The following GNB4 variants were observed in gnomAD, a reference collection of about 807,000 sequenced individuals.
GNB4 encodes the protein G protein subunit beta 4.
In GNB4, 28 loss-of-function variants were observed where a neutral mutation model predicts 45.2. The observed-to-expected ratio is 0.62, with a 90% CI of 0.46 to 0.85. The LOEUF (loss-of-function observed/expected upper bound fraction) is 0.85. Among genes scored for constraint, GNB4 ranks in the 40% least tolerant of loss-of-function variants. GNB4 has a pLI of 0.00. For synonymous variants in GNB4, 132 were observed against 143.7 expected (o/e 0.92, Z 0.58); for missense variants, 321 against 425.4 (o/e 0.75, Z 2.16).
chr3:179,481,629 T>C, the GNB4 span, among the ~76,000 whole-genome samples: 2 of 152,170 alleles, frequency 1.3e-5, no homozygotes, highest in East Asian at 1.9e-4. Flanking sequence ...GGTGATCCAC[T>C]GTGCTGAGCC....
At chr3:179,501,787 G>A in the GNB4 span, among the ~76,000 whole-genome samples, 37 of 152,108 alleles carry the variant, frequency 2.4e-4, no homozygotes, top group Admixed American at 7.2e-4. Context: ...CTTTTCTCAT[G>A]TTGTGTATTC....
intron 2 of GNB4, among the ~76,000 whole-genome samples, chr3:179,422,476 C>T (rs961002088): frequency 3.0e-5 from 4 of 134,864 alleles, no homozygotes; most frequent in African/African-American, 1.2e-4. Flanking sequence ...AAAAAAAAAG[C>T]AAAACAAAAC....
chr3:179,499,151 T>A, the GNB4 span, among the ~76,000 whole-genome samples: 1 of 134,096 alleles, frequency 7.5e-6, no homozygotes, highest in Non-Finnish European at 1.6e-5. Flanking sequence ...ATGTGCCACA[T>A]TTTCTTTTTT....
the GNB4 span, among the ~76,000 whole-genome samples, chr3:179,460,844 C>G: frequency 6.6e-6 from 1 of 151,926 alleles, no homozygotes; most frequent in Non-Finnish European, 1.5e-5. Flanking sequence ...TTTATTTTTA[C>G]AAAAGCTTAT....
the GNB4 span, chr3:179,465,399 G>A: frequency 2.1e-4 from 118 of 571,838 alleles, no homozygotes; most frequent in East Asian, 1.3e-3. Context: ...ATCAGGAAAC[G>A]GAGACCATCC....
upstream of GNB4, among the ~76,000 whole-genome samples, chr3:179,455,991 G>A (rs1715970487): frequency 6.6e-6 from 1 of 151,994 alleles, no homozygotes; most frequent in African/African-American, 2.4e-5. Flanking sequence ...TGTTCCAAGA[G>A]AACAAGGAGG....
chr3:179,409,989 G>A (rs1040502430), intron 8 of GNB4, among the ~76,000 whole-genome samples: 1 of 152,114 alleles, frequency 6.6e-6, no homozygotes, highest in Non-Finnish European at 1.5e-5. Context: ...TGGTCTCCCT[G>A]CAGGCTGTTC....
the GNB4 span, among the ~76,000 whole-genome samples, chr3:179,484,945 C>T: frequency 2.0e-5 from 3 of 149,374 alleles, no homozygotes; most frequent in African/African-American, 7.4e-5. Flanking sequence ...CTTATATTTG[C>T]CATAGAAGAA....
At chr3:179,524,418 G>A in the GNB4 span, among the ~76,000 whole-genome samples, 2 of 152,376 alleles carry the variant, frequency 1.3e-5, no homozygotes, top group Non-Finnish European at 2.9e-5. Context: ...AGGAGGTCCT[G>A]TAGGAATGCT....
At chr3:179,482,549 C>T in the GNB4 span, among the ~76,000 whole-genome samples, 1 of 152,178 alleles carries the variant, frequency 6.6e-6, no homozygotes, top group Non-Finnish European at 1.5e-5. Context: ...CTCTTTCCTT[C>T]CATCTCATAA....
chr3:179,474,974 G>A, the GNB4 span, among the ~76,000 whole-genome samples: 1 of 151,998 alleles, frequency 6.6e-6, no homozygotes, highest in African/African-American at 2.4e-5. Context: ...TGGATGCTGG[G>A]AAGTTCAAGG....
intron 1 of GNB4, among the ~76,000 whole-genome samples, chr3:179,445,046 TA>T (rs1309060838): frequency 6.6e-6 from 1 of 152,032 alleles, no homozygotes; most frequent in African/African-American, 2.4e-5. Context: ...AAAAAAAAAT[TA>T]AAAATCCTAT....
the GNB4 span, among the ~76,000 whole-genome samples, chr3:179,493,445 A>T: frequency 6.6e-6 from 1 of 152,032 alleles, no homozygotes; most frequent in Non-Finnish European, 1.5e-5. Context: ...AAAAAATGCA[A>T]TAAAGAGCTT....
the GNB4 span, among the ~76,000 whole-genome samples, chr3:179,476,538 G>T: frequency 6.6e-6 from 1 of 152,188 alleles, no homozygotes; most frequent in Non-Finnish European, 1.5e-5. Flanking sequence ...CTCTAGGGGG[G>T]ACCCTCTTGT....
chr3:179,431,355 G>A (rs142139517), intron 1 of GNB4, among the ~76,000 whole-genome samples: 177 of 152,056 alleles, frequency 1.2e-3, no homozygotes, highest in African/African-American at 3.8e-3. Context: ...CCAGGAGTTC[G>A]AGACCAGCCT....
chr3:179,405,318 A>G lies in GNB4; in HGVS notation c.788T>C (p.Leu263Ser), dbSNP rs1225309426. 3.7e-6 allele frequency: 6 copies of G among 1,614,070 alleles called. No individual in the cohort carries two copies. The highest frequency in any genetic ancestry group is 5.1e-6 in the Non-Finnish European group (6 of 1,180,008). ...ACAGATGATATTGTCATGAGAATACAATAATAACTCTTGATCTGCACGAAG... is the reference window on the plus strand; with the variant it reads ...ACAGATGATATTGTCATGAGAATACGATAATAACTCTTGATCTGCACGAAG... ...FDLRADQELL[L>S]YSHDNIICGI... The change falls in exon 9 of 10, where the codon TTG becomes TCG. Residue 263 changes from leucine (L) to serine (S), a missense_variant. Leu to Ser is a moderately radical substitution (Grantham distance 145). Coordinates refer to ENST00000232564, the MANE Select transcript of GNB4 (RefSeq NM_021629.4).
chr3:179,402,755 C>T (rs1714339212), intron 9 of GNB4, among the ~76,000 whole-genome samples: 1 of 152,252 alleles, frequency 6.6e-6, no homozygotes, highest in South Asian at 2.1e-4. Flanking sequence ...TAGGTAGAAC[C>T]AGGTATCTCT....
chr3:179,465,271 T>C, the GNB4 span: 1 of 1,491,956 alleles, frequency 6.7e-7, no homozygotes, highest in Non-Finnish European at 9.3e-7. Flanking sequence ...CTCCAGTTCC[T>C]GGAGGTGTTG....
chr3:179,409,836 A>AC (rs1714598601), intron 8 of GNB4, among the ~76,000 whole-genome samples: 1 of 151,864 alleles, frequency 6.6e-6, no homozygotes, highest in African/African-American at 2.4e-5. Flanking sequence ...AACAAAACAA[A>AC]AAAAAAACTA....
Sources: allele counts gnomAD v4.1 joint callset (sites outside exome capture counted in the v4.1 genomes callset), GRCh38; gene constraint gnomAD v4.1.1; transcripts MANE v1.5; gene names NCBI Gene and HGNC (gene_info 2026-07-23, HGNC 2026-07-21).